SGO2: variants seen among roughly 807,000 people sequenced by gnomAD.
SGO2 encodes the protein shugoshin 2.
SGO2 carries 68 observed loss-of-function variants against 99.5 expected under a neutral mutation model. The ratio of observed to expected loss-of-function variants is 0.68; its 90% CI spans 0.56 to 0.84. SGO2 has a LOEUF of 0.84. Among genes scored for constraint, SGO2 ranks in the 40% least tolerant of loss-of-function variants. The pLI, the probability that SGO2 is intolerant of heterozygous loss-of-function variation, is 0.00. For synonymous variants in SGO2, 457 were observed against 487.1 expected (o/e 0.94, Z 0.81); for missense variants, 1,350 against 1,436.7 (o/e 0.94, Z 0.97).
chr2:200,554,310 T>TA (rs2032615236), intron 5 of SGO2, among the ~76,000 whole-genome samples: 1 of 152,236 alleles, frequency 6.6e-6, no homozygotes, highest in African/African-American at 2.4e-5. Flanking sequence ...ACTTCAGACT[T>TA]ACATTGGTTC....
In SGO2 at chr2:200,542,609, A is replaced by G; in HGVS notation, c.418A>G (p.Ser140Gly). 6.2e-7 allele frequency: 1 copy of G among 1,613,144 alleles called. No homozygotes were observed. The highest frequency in any genetic ancestry group is 8.5e-7 in the Non-Finnish European group (1 of 1,179,554). ...TCAGAGTTCCTTTCTACTGTCAGCTAGCAAGAAGAAACGAATTAGTAAACA... is the reference window on the plus strand; with the variant it reads ...TCAGAGTTCCTTTCTACTGTCAGCTGGCAAGAAGAAACGAATTAGTAAACA... ...FHQSSFLLSA[S>G]KKKRISKQCK... is the part of the protein sequence containing the mutation. Residue 140 changes from serine (S) to glycine (G), a missense_variant, in exon 5 of 9, where the codon AGC (serine) becomes GGC (glycine). Physicochemically the swap from Ser to Gly is moderately conservative, Grantham distance 56. Transcript: ENST00000357799.
At chr2:200,563,890 G>A (rs1237649510) in intron 5 of SGO2, among the ~76,000 whole-genome samples, 1 of 152,032 alleles carries the variant, frequency 6.6e-6, no homozygotes, top group Non-Finnish European at 1.5e-5. Context: ...TATTTCTGTG[G>A]GATCGGTGGT....
At chr2:200,545,152 G>T (rs1027974726) in intron 5 of SGO2, among the ~76,000 whole-genome samples, 1 of 152,110 alleles carries the variant, frequency 6.6e-6, no homozygotes, top group African/African-American at 2.4e-5. Context: ...GACTACAGGT[G>T]CATGCCATCA....
At position 200,571,767 on chromosome 2, in the gene SGO2, C is replaced by T; in HGVS notation, c.1421C>T (p.Thr474Ile). The change falls in exon 7 of 9, where the codon ACC becomes ATC. Residue 474 changes from threonine to isoleucine, a missense_variant. By Grantham distance (89) the Thr-to-Ile change is moderately conservative. Coordinates refer to ENST00000357799, the MANE Select transcript of SGO2 (RefSeq NM_152524.6). ...CAGGTGAATGAACTAAAGAAAATGA[C>T]CCTTCAAACTGGCTTTGAACAAGGT... is the stretch of plus-strand genomic sequence containing the variant. ...LAQVNELKKMTLQTGFEQGDR... is the reference protein window; with the variant it reads ...LAQVNELKKMILQTGFEQGDR... 2 of 1,613,488 alleles carry T rather than the reference C, an allele frequency of 1.2e-6. No homozygotes were observed. Among genetic ancestry groups the T allele is most frequent in the East Asian group, 4.5e-5 (2 of 44,868 alleles).
At chr2:200,551,985 T>C (rs572811914) in intron 5 of SGO2, among the ~76,000 whole-genome samples, 1 of 152,338 alleles carries the variant, frequency 6.6e-6, no homozygotes, top group South Asian at 2.1e-4. Context: ...AATTTTAGAA[T>C]CAGCTTGTCA....
At chr2:200,546,914 T>C (rs1317322372) in intron 5 of SGO2, among the ~76,000 whole-genome samples, 1 of 151,818 alleles carries the variant, frequency 6.6e-6, no homozygotes, top group Non-Finnish European at 1.5e-5. Context: ...TTATTAGTGT[T>C]TAAGAGAGAG....
At chr2:200,530,859 A>C (rs889614622) in intron 1 of SGO2, among the ~76,000 whole-genome samples, 2 of 152,352 alleles carry the variant, frequency 1.3e-5, no homozygotes, top group African/African-American at 4.8e-5. Context: ...TTGGTGGAAT[A>C]GTCTAAGTGA....
intron 5 of SGO2, among the ~76,000 whole-genome samples, chr2:200,553,510 G>T (rs2032581502): frequency 6.6e-6 from 1 of 152,120 alleles, no homozygotes. Flanking sequence ...AAAAACAACT[G>T]ATGAGACTAG....
chr2:200,535,495 G>A (rs182142778), intron 3 of SGO2, among the ~76,000 whole-genome samples: 75 of 152,244 alleles, frequency 4.9e-4, no homozygotes, highest in African/African-American at 1.8e-3. Flanking sequence ...TTCTTGAAAG[G>A]AAAGGAATTC....
chr2:200,575,362 C>T lies in SGO2; in HGVS notation c.3683C>T (p.Thr1228Ile). 1 of 1,608,618 alleles carries T rather than the reference C, an allele frequency of 6.2e-7. No homozygotes were observed. Residue 1228 changes from threonine (T) to isoleucine (I), a missense_variant, in exon 8 of 9, where the codon ACT becomes ATT. Physicochemically the swap from Thr to Ile is moderately conservative, Grantham distance 89 (BLOSUM62 -1). Coordinates refer to ENST00000357799, the MANE Select transcript of SGO2 (RefSeq NM_152524.6). ...LSNTSFVSNN[T>I]AESENKSEDL... The stretch of plus-strand genomic sequence containing the variant: ...AATACCAGTTTTGTTTCAAATAACA[C>T]TGCTGAATCTGAAAATAAGTCAGAA...
At chr2:200,545,308 A>G (rs2032162358) in intron 5 of SGO2, among the ~76,000 whole-genome samples, 1 of 152,154 alleles carries the variant, frequency 6.6e-6, no homozygotes, top group Non-Finnish European at 1.5e-5. Flanking sequence ...TGCCTGGCAT[A>G]TTCTTCGTGT....
chr2:200,577,232 T>G (rs1447661916), intron 8 of SGO2, among the ~76,000 whole-genome samples: 1 of 148,996 alleles, frequency 6.7e-6, no homozygotes, highest in Non-Finnish European at 1.5e-5. Context: ...CTAGTGGGTA[T>G]GAAGTGATAT....
At chr2:200,546,161 T>C (rs2032199238) in intron 5 of SGO2, among the ~76,000 whole-genome samples, 2 of 145,462 alleles carry the variant, frequency 1.4e-5, no homozygotes, top group Non-Finnish European at 3.0e-5. Flanking sequence ...GGCAGCAAAC[T>C]AGCAGTATAG....
At chr2:200,530,587 G>A (rs377578426) in intron 1 of SGO2, among the ~76,000 whole-genome samples, 99 of 152,240 alleles carry the variant, frequency 6.5e-4, no homozygotes, top group African/African-American at 2.3e-3. Context: ...AGGGAGTGTA[G>A]ATAAAGAGAG....
At chr2:200,569,102 T>C (rs917441833) in intron 5 of SGO2, among the ~76,000 whole-genome samples, 1 of 152,100 alleles carries the variant, frequency 6.6e-6, no homozygotes, top group Non-Finnish European at 1.5e-5. Context: ...ACGATATTAC[T>C]CTTCATTCTT....
At chr2:200,544,723 CTATCTAT>C (rs2032134045) in intron 5 of SGO2, among the ~76,000 whole-genome samples, 1 of 151,876 alleles carries the variant, frequency 6.6e-6, no homozygotes, top group Admixed American at 6.6e-5. Flanking sequence ...ATCTATCTAT[CTATCTAT>C]CTATCTTTGG....
rs17532679 is a variant in SGO2 at position 200,572,491 on chromosome 2, A to G, written c.2145A>G (p.Lys715=). 0.2 allele frequency: 316,323 copies of G among 1,611,536 alleles called. 32,857 individuals are homozygous for G. The highest frequency in any genetic ancestry group is 0.21 in the Non-Finnish European group (248,331 of 1,178,100). The part of the protein sequence containing the change: ...ESKVNKKLRQ[K]VNRKTEIISE... ...AAGTTAATAAGAAGCTTAGGCAGAA[A>G]GTAAATCGGAAGACAGAAATAATTT... is the stretch of plus-strand genomic sequence containing the variant. The change falls in exon 7 of 9, where the codon AAA becomes AAG. Residue 715 remains lysine (K), a synonymous_variant. Coordinates refer to ENST00000357799, the MANE Select transcript of SGO2 (RefSeq NM_152524.6).
intron 5 of SGO2, among the ~76,000 whole-genome samples, chr2:200,547,670 A>T (rs2106320326): frequency 6.6e-6 from 1 of 152,338 alleles, no homozygotes. Flanking sequence ...GTGGGTTTTC[A>T]TATAAATTGT....
chr2:200,542,783 G>C, intron 5 of SGO2, 119 bp downstream of exon 5: 1 of 809,186 alleles, frequency 1.2e-6, no homozygotes, highest in Non-Finnish European at 1.8e-6. Flanking sequence ...TACTAACGTA[G>C]AAATGAGCTG....
Sources: gnomAD v4.1 joint callset for allele counts (sites outside exome capture counted in the v4.1 genomes callset) on GRCh38, gnomAD v4.1.1 for gene constraint, MANE v1.5 for transcripts, NCBI Gene and HGNC (gene_info 2026-07-23, HGNC 2026-07-21) for gene names.